BTBD10: variants seen among roughly 807,000 people sequenced by gnomAD.
BTBD10 encodes the protein BTB domain containing 10.
A neutral mutation model predicts 53.2 loss-of-function variants in BTBD10; 21 were observed. The observed-to-expected ratio is 0.39, with a 90% CI of 0.28 to 0.57. The LOEUF (loss-of-function observed/expected upper bound fraction) is 0.57. Among genes scored for constraint, BTBD10 ranks in the 20% least tolerant of loss-of-function variants. The pLI is 0.53. For missense variants in BTBD10, 360 were observed against 594.7 expected, an observed-to-expected ratio of 0.61 and a Z score of 4.10; for synonymous variants, 149 against 192.7, an observed-to-expected ratio of 0.77 and a Z score of 1.88.
At chr11:13,407,451 A>C (rs964686861) in intron 6 of BTBD10, among the ~76,000 whole-genome samples, 1 of 152,186 alleles carries the variant, frequency 6.6e-6, no homozygotes, top group Non-Finnish European at 1.5e-5. Context: ...TCAAATCAGT[A>C]AATGGCATCA....
chr11:13,442,533 G>A (rs554608293), intron 2 of BTBD10, among the ~76,000 whole-genome samples: 4 of 152,046 alleles, frequency 2.6e-5, no homozygotes, highest in African/African-American at 9.6e-5. Flanking sequence ...ATCCAGTCAA[G>A]GTAATCTGAA....
At chr11:13,451,879 G>A (rs1333918675) in intron 1 of BTBD10, among the ~76,000 whole-genome samples, 3 of 152,102 alleles carry the variant, frequency 2.0e-5, no homozygotes, top group Non-Finnish European at 4.4e-5. Flanking sequence ...CTGTCTTGAC[G>A]ACTGACACAA....
intron 1 of BTBD10, among the ~76,000 whole-genome samples, chr11:13,453,249 C>T (rs1950899897): frequency 6.6e-6 from 1 of 151,356 alleles, no homozygotes; most frequent in Non-Finnish European, 1.5e-5. Context: ...TTATGTAATC[C>T]CATATTTACA....
chr11:13,450,276 T>C (rs11022832), intron 1 of BTBD10, among the ~76,000 whole-genome samples: 22,942 of 152,124 alleles, frequency 0.15, 1,995 homozygotes, highest in Admixed American at 0.24. Context: ...ACATTCTCTA[T>C]GTGGAAAGGA....
intron 2 of BTBD10, chr11:13,439,945 T>C: frequency 6.5e-7 from 1 of 1,534,522 alleles, no homozygotes; most frequent in Non-Finnish European, 8.7e-7. Context: ...GAAATCAGAG[T>C]ATAAAGGGAC....
At chr11:13,457,360 G>C (rs1439583127) in intron 1 of BTBD10, among the ~76,000 whole-genome samples, 1 of 151,974 alleles carries the variant, frequency 6.6e-6, no homozygotes, top group Admixed American at 6.6e-5. Context: ...AATGGTAAAA[G>C]ACTAAAACAA....
chr11:13,430,974 T>TACACACACAC (rs3046409), intron 2 of BTBD10, among the ~76,000 whole-genome samples: 16,503 of 144,286 alleles, frequency 0.11, 1,153 homozygotes, highest in South Asian at 0.3. Flanking sequence ...TGGAGATACA[T>TACACACACAC]ACACACACAC....
At chr11:13,405,495 T>C in intron 7 of BTBD10, 164 bp downstream of exon 7, 1 of 682,452 alleles carries the variant, frequency 1.5e-6, no homozygotes, top group Non-Finnish European at 2.4e-6. Context: ...ACTCTGCCAC[T>C]GTAGCATGAA....
chr11:13,406,255 T>C (rs942368710), intron 6 of BTBD10, among the ~76,000 whole-genome samples: 3 of 152,100 alleles, frequency 2.0e-5, no homozygotes, highest in Non-Finnish European at 4.4e-5. Flanking sequence ...TCAATAGTCT[T>C]TAGAATAATG....
chr11:13,417,065 C>T, intron 5 of BTBD10, 93 bp downstream of exon 5: 1 of 830,888 alleles, frequency 1.2e-6, no homozygotes, highest in Non-Finnish European at 1.9e-6. Context: ...TGGAATAACT[C>T]CAGAGAGATA....
intron 2 of BTBD10, among the ~76,000 whole-genome samples, chr11:13,444,295 A>T (rs1950716123): frequency 6.6e-6 from 1 of 151,104 alleles, no homozygotes. Context: ...AAGTAAGTTA[A>T]ATGCTCAATA....
At chr11:13,441,380 CAT>C (rs1461860785) in intron 2 of BTBD10, among the ~76,000 whole-genome samples, 1 of 152,042 alleles carries the variant, frequency 6.6e-6, no homozygotes, top group East Asian at 1.9e-4. Context: ...ATATGATACA[CAT>C]ATCACTAGGT....
At chr11:13,456,231 T>C (rs967831676) in intron 1 of BTBD10, among the ~76,000 whole-genome samples, 4 of 152,052 alleles carry the variant, frequency 2.6e-5, no homozygotes, top group African/African-American at 4.8e-5. Flanking sequence ...GGTGCATGAA[T>C]AGACAAACCA....
In BTBD10 at chr11:13,463,211, T is replaced by C. The variant is rs1412871240; in HGVS notation, c.-177A>G. The C allele has an allele frequency of 6.8e-6, 1 of 148,020 alleles. No homozygotes were observed. The highest frequency in any genetic ancestry group is 1.5e-5 in the Non-Finnish European group (1 of 67,148). The allele number at this position is 148,020 out of a possible 1,614,324, so 9.2% of individuals were successfully genotyped here. A position where few individuals can be genotyped will look rare whatever the true frequency, so the allele number is the denominator to read the frequency against. ...CGGAGGTGGCTGTGGAGGAAGCCAC[T>C]GAGGCGGCTGCGCGTAGCGGAGCCG... On this transcript the variant is annotated 5_prime_UTR_variant, in exon 1 of 9. Transcript: ENST00000278174.
intron 5 of BTBD10, among the ~76,000 whole-genome samples, chr11:13,416,761 G>A (rs1950123799): frequency 6.6e-6 from 1 of 152,168 alleles, no homozygotes; most frequent in African/African-American, 2.4e-5. Context: ...AGGATCGCTT[G>A]AGCCCTGGAG....
At chr11:13,417,343 A>G (rs1950138987) in intron 4 of BTBD10, 83 bp from the exon 5 acceptor site, 3 of 964,486 alleles carry the variant, frequency 3.1e-6, no homozygotes, top group Non-Finnish European at 3.0e-6. Flanking sequence ...AAAAGAAAAA[A>G]GGAATTATAT....
At chr11:13,443,910 A>G (rs1233149797) in intron 2 of BTBD10, among the ~76,000 whole-genome samples, 1 of 152,114 alleles carries the variant, frequency 6.6e-6, no homozygotes, top group Non-Finnish European at 1.5e-5. Flanking sequence ...AATCTAAATG[A>G]CAAAATAATA....
At chr11:13,429,469 A>T (rs1465341235) in intron 2 of BTBD10, among the ~76,000 whole-genome samples, 1 of 152,174 alleles carries the variant, frequency 6.6e-6, no homozygotes, top group East Asian at 1.9e-4. Flanking sequence ...CAGAATGAAG[A>T]CTCCAGAAAA....
intron 2 of BTBD10, among the ~76,000 whole-genome samples, chr11:13,425,774 T>A (rs917314991): frequency 1.3e-5 from 2 of 152,176 alleles, no homozygotes; most frequent in African/African-American, 4.8e-5. Flanking sequence ...TTTGAGGTGA[T>A]ATACTAATCA....
Sources: allele counts gnomAD v4.1 joint callset (sites outside exome capture counted in the v4.1 genomes callset), GRCh38; gene constraint gnomAD v4.1.1; transcripts MANE v1.5; gene names NCBI Gene and HGNC (gene_info 2026-07-23, HGNC 2026-07-21).